The following PAXBP1 variants were observed in gnomAD, a reference collection of about 807,000 sequenced individuals.
PAXBP1 encodes the protein PAX3 and PAX7 binding protein 1.
PAXBP1 carries 44 observed loss-of-function variants against 119.9 expected under a neutral mutation model. The ratio of observed to expected loss-of-function variants is 0.37; its 90% CI spans 0.29 to 0.47. The LOEUF is 0.47. PAXBP1 is among the 20% of genes least tolerant of loss of function. PAXBP1 has a pLI of 0.99. For synonymous variants in PAXBP1, 393 were observed against 406.6 expected (o/e 0.97, Z 0.40); for missense variants, 898 against 1,134.1 (o/e 0.79, Z 2.99).
intron 15 of PAXBP1, among the ~76,000 whole-genome samples, chr21:32,739,625 G>A (rs1242006388): frequency 3.3e-5 from 5 of 151,990 alleles, no homozygotes; most frequent in South Asian, 2.1e-4. Flanking sequence ...CTGTGGTTAC[G>A]GCCGGGCGCG....
chr21:32,761,011 A>G (rs1206377497), intron 5 of PAXBP1, 48 bp downstream of exon 5: 1 of 1,486,454 alleles, frequency 6.7e-7, no homozygotes, highest in East Asian at 2.3e-5. Flanking sequence ...AAAATAAAAA[A>G]GGCTTTTTAA....
chr21:32,768,930 T>A (rs1273871036), intron 2 of PAXBP1, among the ~76,000 whole-genome samples: 1 of 152,230 alleles, frequency 6.6e-6, no homozygotes, highest in African/African-American at 2.4e-5. Flanking sequence ...GAATTTTAAC[T>A]ATCAAAGATC....
intron 6 of PAXBP1, chr21:32,759,549 G>A: frequency 1.7e-6 from 1 of 604,708 alleles, no homozygotes; most frequent in Non-Finnish European, 2.9e-6. Context: ...ACTCAGAAAT[G>A]TCTTCAACAA....
chr21:32,737,847 G>A (rs544873175), intron 16 of PAXBP1, among the ~76,000 whole-genome samples: 3 of 152,204 alleles, frequency 2.0e-5, no homozygotes, highest in East Asian at 1.9e-4. Flanking sequence ...AAGGGAAGTC[G>A]AGTTGGCCCA....
intron 11 of PAXBP1, among the ~76,000 whole-genome samples, chr21:32,747,338 A>T (rs576118867): frequency 6.6e-6 from 1 of 152,348 alleles, no homozygotes; most frequent in Admixed American, 6.5e-5. Context: ...ATGCTAGTTC[A>T]GGACAGCAGA....
At chr21:32,741,170 G>A (rs766844805) in intron 15 of PAXBP1, among the ~76,000 whole-genome samples, 5 of 152,100 alleles carry the variant, frequency 3.3e-5, no homozygotes, top group African/African-American at 7.2e-5. Context: ...AGCTTTGCCC[G>A]GCTGTTTCAC....
intron 7 of PAXBP1, 31 bp downstream of exon 7, chr21:32,759,049 T>C (rs1306829482): frequency 1.2e-6 from 2 of 1,607,332 alleles, no homozygotes; most frequent in Non-Finnish European, 1.7e-6. Flanking sequence ...TTTTGCCTTA[T>C]TCAAAGAGAT....
intron 6 of PAXBP1, 123 bp from the exon 7 acceptor site, chr21:32,759,392 C>T: frequency 2.0e-6 from 2 of 1,005,438 alleles, no homozygotes; most frequent in Non-Finnish European, 2.8e-6. Context: ...TTTGGAATGG[C>T]ATCTTTTCCT....
Position 32,755,288 on chromosome 21 carries a change from A to G in PAXBP1, c.1449T>C (p.Leu483=), listed in dbSNP as rs1006378348. The G allele has an allele frequency of 1.9e-6, 3 of 1,613,736 alleles. No individual in the cohort carries two copies. The highest frequency in any genetic ancestry group is 2.5e-6 in the Non-Finnish European group (3 of 1,179,754). The change falls in exon 8 of 18, where the codon CTT becomes CTC. Residue 483 remains leucine, a synonymous_variant. Coordinates refer to ENST00000331923, the MANE Select transcript of PAXBP1 (RefSeq NM_016631.4). ...HQLYKQRASR[L]VQRRQDDIKD... is the part of the protein sequence containing the mutation. ...TAATATCATCTTGTCGTCTTTGGAC[A>G]AGGCGGGAAGCTCGCTGTTTGTACA...
chr21:32,735,209 C>A, intron 17 of PAXBP1, 142 bp from the exon 18 acceptor site: 1 of 617,532 alleles, frequency 1.6e-6, no homozygotes, highest in Non-Finnish European at 2.8e-6. Flanking sequence ...GATATGCAAG[C>A]TACAGCATGT....
intron 11 of PAXBP1, among the ~76,000 whole-genome samples, chr21:32,748,292 A>G (rs1257988743): frequency 6.6e-6 from 1 of 152,148 alleles, no homozygotes; most frequent in Non-Finnish European, 1.5e-5. Flanking sequence ...AACAACAACA[A>G]CAAAAAAAAC....
At chr21:32,752,132 A>G (rs1275538465) in intron 8 of PAXBP1, 2 of 152,236 alleles carry the variant, frequency 1.3e-5, no homozygotes, top group East Asian at 3.9e-4. Flanking sequence ...CCTTATGATC[A>G]TCGTTAACTG....
chr21:32,744,385 T>C (rs906241599), intron 13 of PAXBP1, among the ~76,000 whole-genome samples: 2 of 152,072 alleles, frequency 1.3e-5, no homozygotes, highest in Non-Finnish European at 2.9e-5. Context: ...CACATGTCCA[T>C]GGGCCACGGG....
At chr21:32,756,577 G>A (rs1391275871) in intron 7 of PAXBP1, 8 of 265,208 alleles carry the variant, frequency 3.0e-5, no homozygotes, top group South Asian at 2.4e-4. Flanking sequence ...TGAGTCCAGA[G>A]ACTCTATCAT....
chr21:32,744,283 A>C (rs986039714), intron 13 of PAXBP1, among the ~76,000 whole-genome samples: 12 of 151,582 alleles, frequency 7.9e-5, no homozygotes, highest in Non-Finnish European at 1.6e-4. Flanking sequence ...AAAAGAAAAA[A>C]AAAAAGGAGG....
rs1444511176 is a variant in PAXBP1 at position 32,771,282 on chromosome 21, T to C, written c.343+44A>G. On this transcript the variant is annotated intron_variant, in intron 1 of 17. Coordinates refer to ENST00000331923, the MANE Select transcript of PAXBP1 (RefSeq NM_016631.4). Reference sequence around the variant, plus strand: ...CGGGGGCGGGGGACGGGGGCCTGCGTCGGGGATGCGGCCGTCTAAGGGCGT... The same window carrying C: ...CGGGGGCGGGGGACGGGGGCCTGCGCCGGGGATGCGGCCGTCTAAGGGCGT... 4.0e-6 allele frequency: 6 copies of C among 1,512,350 alleles called. No individual in the cohort carries two copies. The African/African-American group carries it at 8.6e-5, about 22-fold the overall frequency. 93.7% of individuals were successfully genotyped at this position (1,512,350 alleles called of 1,614,324 possible).
In PAXBP1 at chr21:32,771,516, A is replaced by T; in HGVS notation, c.153T>A (p.Pro51=). Residue 51 remains proline, a synonymous_variant, in exon 1 of 18, where the codon CCT becomes CCA. Transcript: ENST00000331923. ...CCGGGCCCAGCAGCGACTCCCCGCC[A>T]GGGGCCCTGTCGCCGCCACCGGGGC... ...EAGPGGGDRA[P]GGESLLGPGP... 1 of 1,332,756 alleles carries T rather than the reference A, an allele frequency of 7.5e-7. No homozygotes were observed. Among genetic ancestry groups the T allele is most frequent in the South Asian group, 1.9e-5 (1 of 51,622 alleles). The allele number at this position is 1,332,756 out of a possible 1,614,324, so 82.6% of individuals were successfully genotyped here.
chr21:32,771,510 C>G lies in PAXBP1; in HGVS notation c.159G>C (p.Gly53=). ...GPGGGDRAPG[G]ESLLGPGPSP... ...ACGGCCCCGGGCCCAGCAGCGACTC[C>G]CCGCCAGGGGCCCTGTCGCCGCCAC... Residue 53 remains glycine, a synonymous_variant, in exon 1 of 18, where the codon GGG becomes GGC. Transcript: ENST00000331923. 7.5e-7 allele frequency: 1 copy of G among 1,326,332 alleles called. No individual in the cohort carries two copies. Among genetic ancestry groups the G allele is most frequent in the Non-Finnish European group, 9.6e-7 (1 of 1,043,984 alleles). 82.2% of individuals were successfully genotyped at this position (1,326,332 alleles called of 1,614,324 possible).
chr21:32,743,134 T>C, intron 15 of PAXBP1, 114 bp downstream of exon 15: 9 of 789,836 alleles, frequency 1.1e-5, no homozygotes, highest in African/African-American at 1.7e-5. Context: ...ATTTTGGGTA[T>C]AGATATAAAT....
Sources: allele counts gnomAD v4.1 joint callset (sites outside exome capture counted in the v4.1 genomes callset), GRCh38; gene constraint gnomAD v4.1.1; transcripts MANE v1.5; gene names NCBI Gene and HGNC (gene_info 2026-07-23, HGNC 2026-07-21).